Variants in SYTL5 observed in about 807,000 individuals in gnomAD.
The protein encoded by SYTL5 is synaptotagmin like 5.
Under a neutral mutation model 55.9 loss-of-function variants are expected in SYTL5, and 34 were observed. That is an observed-to-expected ratio of 0.61 (90% CI 0.46 to 0.81). The LOEUF is 0.81. Ranked by LOEUF, SYTL5 falls within the 30% of genes least tolerant of loss-of-function variation. The pLI is 0.00. For missense variants in SYTL5, 637 were observed against 546.7 expected (o/e 1.17, Z -1.65); for synonymous variants, 221 against 188.7 (o/e 1.17, Z -1.40).
the SYTL5 span, among the ~76,000 whole-genome samples, chrX:37,951,967 A>T: frequency 9.0e-6 from 1 of 111,271 alleles, no homozygotes; most frequent in Non-Finnish European, 1.9e-5. Flanking sequence ...GATCAAAGAT[A>T]TGAGGGTTTG....
At chrX:37,889,047 C>T in the SYTL5 span, among the ~76,000 whole-genome samples, 36 of 111,790 alleles carry the variant, frequency 3.2e-4, no homozygotes, top group African/African-American at 1.1e-3. Flanking sequence ...AGAAGAGAAA[C>T]TTTGCTGCTT....
the SYTL5 span, among the ~76,000 whole-genome samples, chrX:37,967,942 C>A: frequency 9.3e-6 from 1 of 107,528 alleles, no homozygotes; most frequent in Non-Finnish European, 1.9e-5. Flanking sequence ...TGCAATTGAA[C>A]CTCTCTAGTG....
the SYTL5 span, among the ~76,000 whole-genome samples, chrX:37,896,785 TAGA>T: frequency 5.4e-5 from 6 of 112,124 alleles, no homozygotes; most frequent in Non-Finnish European, 1.1e-4. Flanking sequence ...CAGTCCAGTG[TAGA>T]AGAATTGCCC....
At chrX:38,007,582 A>C (rs1934032978) in intron 1 of SYTL5, among the ~76,000 whole-genome samples, 1 of 111,804 alleles carries the variant, frequency 8.9e-6, no homozygotes, top group Non-Finnish European at 1.9e-5. Context: ...CTACTTCAGT[A>C]GTAGCCTCCT....
chrX:38,001,388 T>A, the SYTL5 span, among the ~76,000 whole-genome samples: 1 of 111,597 alleles, frequency 9.0e-6, no homozygotes, highest in African/African-American at 3.3e-5. Flanking sequence ...AGAATTAATG[T>A]CTTATTTATT....
At chrX:37,956,073 C>A in the SYTL5 span, among the ~76,000 whole-genome samples, 1 of 111,713 alleles carries the variant, frequency 9.0e-6, no homozygotes, top group Non-Finnish European at 1.9e-5. Flanking sequence ...CAATTCCAAG[C>A]TAAACAATTA....
rs185290270 is a variant in SYTL5, at chrX:38,062,307, G to A, written c.329+7885G>A. 4.5e-5 allele frequency among the ~76,000 whole-genome samples: 5 copies of A among 112,000 alleles called. No individual in the cohort carries two copies. In the East Asian group the frequency reaches 1.4e-3, roughly 31 times the overall value. On this transcript the variant is annotated intron_variant, in intron 3 of 16. Coordinates refer to ENST00000297875, the MANE Select transcript of SYTL5 (RefSeq NM_138780.3). ...ACTTCTAATATGGCATTGATGGGCA[G>A]ATCTTATATTCATGCTATGTTGCAA...
At position 38,125,356 on chromosome X, in the gene SYTL5, A is replaced by C; in HGVS notation, c.1900A>C (p.Ser634Arg). The change falls in exon 16 of 17, where the codon AGT (serine) becomes CGT (arginine). Residue 634 changes from serine to arginine, a missense_variant. Physicochemically the swap from Ser to Arg is moderately radical, Grantham distance 110 (BLOSUM62 -1). Coordinates refer to ENST00000297875, the MANE Select transcript of SYTL5 (RefSeq NM_138780.3). ...GCACAAAACTCTGGTAATAAAAAAG[A>C]GTGTTAACCCTCAGTGGAATCATAC... Reference protein sequence around the residue: ...TKHKTLVIKKSVNPQWNHTFM... With the variant: ...TKHKTLVIKKRVNPQWNHTFM... 8.3e-7 allele frequency: 1 copy of C among 1,211,709 alleles called. No individual in the cohort carries two copies. The highest frequency in any genetic ancestry group is 1.1e-6 in the Non-Finnish European group (1 of 895,293).
intron 1 of SYTL5, chrX:38,023,788 T>C (rs1934651716): frequency 9.0e-6 from 1 of 111,191 alleles, no homozygotes; most frequent in African/African-American, 3.3e-5. Flanking sequence ...CTTTCTCTTT[T>C]GAAATTTTTA....
chrX:37,956,373 G>A, the SYTL5 span, among the ~76,000 whole-genome samples: 12 of 112,142 alleles, frequency 1.1e-4, no homozygotes, highest in Non-Finnish European at 1.7e-4. Flanking sequence ...TAGGCACAAC[G>A]TTGTACAGCA....
At position 38,043,661 on chromosome X, in the gene SYTL5, G is replaced by GTATATA. The variant is rs35312093; in HGVS notation, c.119+9678_119+9683dup. On this transcript the variant is annotated intron_variant, in intron 2 of 16. Transcript: ENST00000297875. The stretch of plus-strand genomic sequence containing the variant: ...CTGTAACTTTTATGTATGTATGTAT[G>GTATATA]TATATATATATATATATATATATAT... Among the ~76,000 whole-genome samples the GTATATA allele has an allele frequency of 6.6e-3, 332 of 50,060 alleles. 3 individuals are homozygous for GTATATA. The highest frequency in any genetic ancestry group is 7.5e-3 in the Non-Finnish European group (225 of 29,829). The allele number at this position is 50,060 out of a possible 115,157, so 43.5% of individuals were successfully genotyped here.
chrX:38,108,626 A>T lies in SYTL5; in HGVS notation c.1361A>T (p.Asp454Val), dbSNP rs1269224240. The T allele has an allele frequency of 8.3e-7, 1 of 1,199,409 alleles. No homozygotes were observed. The highest frequency in any genetic ancestry group is 3.0e-5 in the East Asian group (1 of 33,372). ...TATGTCAAGTCATATCTTCTTCCTGACAAGTCCCGGAACAACAAGCGTAAG... is the reference window on the plus strand; with the variant it reads ...TATGTCAAGTCATATCTTCTTCCTGTCAAGTCCCGGAACAACAAGCGTAAG... Reference protein sequence around the residue: ...DAYVKSYLLPDKSRNNKRKTK... With the variant: ...DAYVKSYLLPVKSRNNKRKTK... The change falls in exon 12 of 17, where the codon GAC becomes GTC. Residue 454 changes from aspartate to valine, a missense_variant. Asp to Val is a radical substitution (Grantham distance 152). Coordinates refer to ENST00000297875, the MANE Select transcript of SYTL5 (RefSeq NM_138780.3).
intron 3 of SYTL5, among the ~76,000 whole-genome samples, chrX:38,061,428 A>G (rs1046668906): frequency 9.0e-6 from 1 of 111,589 alleles, no homozygotes; most frequent in Non-Finnish European, 1.9e-5. Context: ...GTTTATTGTG[A>G]GAGAATATTG....
the SYTL5 span, among the ~76,000 whole-genome samples, chrX:37,994,949 G>T: frequency 2.8e-3 from 313 of 111,513 alleles, 3 homozygotes; most frequent in Non-Finnish European, 3.3e-3. Context: ...CTTTGGGTTG[G>T]AGGTGTCTGT....
the SYTL5 span, among the ~76,000 whole-genome samples, chrX:37,999,122 C>T: frequency 8.9e-6 from 1 of 112,157 alleles, no homozygotes; most frequent in Non-Finnish European, 1.9e-5. Flanking sequence ...ACTTCACTCA[C>T]TTAAATGTGT....
In SYTL5 at chrX:38,058,083, C is replaced by T. The variant is rs1040294587; in HGVS notation, c.329+3661C>T. ...ATGTTTTATAATTGTTATTGTCTTA[C>T]CTTTTATCTTTAAACTTATAATCCA... On this transcript the variant is annotated intron_variant, in intron 3 of 16. Transcript: ENST00000297875. Among the ~76,000 whole-genome samples, 3 of 111,192 alleles carry T rather than the reference C, an allele frequency of 2.7e-5. No individual in the cohort carries two copies. The Admixed American group carries it at 2.9e-4, about 11-fold the overall frequency.
the SYTL5 span, among the ~76,000 whole-genome samples, chrX:37,897,816 G>A: frequency 8.9e-6 from 1 of 111,975 alleles, no homozygotes; most frequent in East Asian, 2.8e-4. Context: ...GGTGTCTGGA[G>A]GCCGGGCACG....
chrX:38,116,030 GC>G (rs1260885841), intron 13 of SYTL5, among the ~76,000 whole-genome samples: 1 of 111,550 alleles, frequency 9.0e-6, no homozygotes, highest in Non-Finnish European at 1.9e-5. Flanking sequence ...ATGTTGTGGA[GC>G]TTTTCCCCTA....
chrX:37,981,952 C>G, the SYTL5 span, among the ~76,000 whole-genome samples: 1 of 111,460 alleles, frequency 9.0e-6, no homozygotes, highest in Non-Finnish European at 1.9e-5. Flanking sequence ...TAGAGGGGAC[C>G]AATACCCAGA....
Sources: gnomAD v4.1 joint callset for allele counts (sites outside exome capture counted in the v4.1 genomes callset) on GRCh38, gnomAD v4.1.1 for gene constraint, MANE v1.5 for transcripts, NCBI Gene and HGNC (gene_info 2026-07-23, HGNC 2026-07-21) for gene names.